Variants in LRMDA observed in about 807,000 individuals in gnomAD.
The protein encoded by LRMDA is leucine-rich melanocyte differentiation-associated protein.
LRMDA carries 18 observed loss-of-function variants against 29.8 expected under a neutral mutation model. That is an observed-to-expected ratio of 0.60 (90% CI 0.42 to 0.90). LRMDA has a LOEUF of 0.90. Ranked by LOEUF, LRMDA falls within the 40% of genes least tolerant of loss-of-function variation. The pLI is 0.00. For synonymous variants in LRMDA, 125 were observed against 109.4 expected (o/e 1.14, Z -0.89); for missense variants, 273 against 273.9 (o/e 1.00, Z 0.02).
intron 5 of LRMDA, among the ~76,000 whole-genome samples, chr10:76,233,885 T>A (rs1852103389): frequency 6.6e-6 from 1 of 152,230 alleles, no homozygotes; most frequent in South Asian, 2.1e-4. Flanking sequence ...TACTGAAGTC[T>A]TGAGCCCCTC....
At chr10:76,115,031 T>G (rs553627057) in intron 5 of LRMDA, among the ~76,000 whole-genome samples, 1 of 152,204 alleles carries the variant, frequency 6.6e-6, no homozygotes, top group Non-Finnish European at 1.5e-5. Context: ...ATACAAGCTG[T>G]TTTTGCTTTG....
chr10:76,434,837 A>G (rs1842229037), intron 6 of LRMDA, among the ~76,000 whole-genome samples: 1 of 152,224 alleles, frequency 6.6e-6, no homozygotes, highest in Non-Finnish European at 1.5e-5. Flanking sequence ...ACACGCACAC[A>G]CTGCCACCCA....
chr10:75,539,723 T>C (rs2915021), intron 2 of LRMDA, among the ~76,000 whole-genome samples: 12,792 of 152,246 alleles, frequency 0.084, 802 homozygotes, highest in East Asian at 0.31. Flanking sequence ...CTCAGAGATT[T>C]GGCTTAGTAT....
chr10:75,701,882 C>A (rs766742955), intron 2 of LRMDA, among the ~76,000 whole-genome samples: 8 of 152,208 alleles, frequency 5.3e-5, no homozygotes, highest in Non-Finnish European at 1.2e-4. Context: ...TCCCAGGCTA[C>A]AACCTCCCAA....
At position 76,190,887 on chromosome 10, in the gene LRMDA, G is replaced by A. The variant is rs561014745; in HGVS notation, c.516+132104G>A. Among the ~76,000 whole-genome samples the A allele has an allele frequency of 2.6e-5, 4 of 152,338 alleles. No individual in the cohort carries two copies. In the South Asian group the frequency reaches 8.3e-4, roughly 32 times the overall value. ...AGCACTGGGGCAGCTCTTACAGGAT[G>A]TCAGCAGACGTGGTTAATTGGTAAT... is the stretch of plus-strand genomic sequence containing the variant. On this transcript the variant is annotated intron_variant, in intron 5 of 6. Transcript: ENST00000611255.
chr10:76,299,608 T>C (rs925105874), intron 5 of LRMDA, among the ~76,000 whole-genome samples: 152 of 148,934 alleles, frequency 1.0e-3, no homozygotes, highest in African/African-American at 3.4e-3. Flanking sequence ...CCTTTCTTTT[T>C]TTTTTTTTTT....
intron 6 of LRMDA, among the ~76,000 whole-genome samples, chr10:76,455,815 G>A (rs543581623): frequency 6.5e-4 from 99 of 152,254 alleles, no homozygotes; most frequent in African/African-American, 2.3e-3. Flanking sequence ...ACTTAGTTAT[G>A]TGGGAGAGGA....
rs151082053 is a variant in LRMDA, at chr10:76,243,943, A to T, written c.517-80458A>T. 2.6e-5 allele frequency among the ~76,000 whole-genome samples: 4 copies of T among 152,296 alleles called. No individual in the cohort carries two copies. In the East Asian group the frequency reaches 7.7e-4, roughly 29 times the overall value. On this transcript the variant is annotated intron_variant, in intron 5 of 6. Transcript: ENST00000611255. The stretch of plus-strand genomic sequence containing the variant: ...CCTGGATAATCCAGGGGGGCTATAA[A>T]TCGAATGACAAGTGTCCTTGGAATA...
chr10:75,438,577 A>C, intron 2 of LRMDA, 83 bp downstream of exon 2: 1 of 1,052,908 alleles, frequency 9.5e-7, no homozygotes, highest in Middle Eastern at 2.5e-4. Flanking sequence ...ATAAAAGTCA[A>C]ATGTTCCAAC....
intron 2 of LRMDA, among the ~76,000 whole-genome samples, chr10:75,868,035 C>T (rs1169735758): frequency 6.6e-6 from 1 of 152,104 alleles, no homozygotes; most frequent in Non-Finnish European, 1.5e-5. Flanking sequence ...AAAAACTATC[C>T]TTAGCTTGCA....
At chr10:75,744,919 G>T (rs1842872246) in intron 2 of LRMDA, among the ~76,000 whole-genome samples, 1 of 152,140 alleles carries the variant, frequency 6.6e-6, no homozygotes, top group Non-Finnish European at 1.5e-5. Context: ...AGACCTTCCT[G>T]TGCCAGCGTA....
At chr10:76,005,081 A>G (rs1409333884) in intron 2 of LRMDA, among the ~76,000 whole-genome samples, 1 of 152,118 alleles carries the variant, frequency 6.6e-6, no homozygotes. Flanking sequence ...GTAAATCCTA[A>G]TTGCAGGAAG....
At chr10:75,952,513 T>G (rs1309955821) in intron 2 of LRMDA, among the ~76,000 whole-genome samples, 1 of 152,120 alleles carries the variant, frequency 6.6e-6, no homozygotes, top group Non-Finnish European at 1.5e-5. Context: ...CTCTCTCTGA[T>G]CACACATTAC....
intron 2 of LRMDA, among the ~76,000 whole-genome samples, chr10:75,809,563 G>C (rs1473713958): frequency 6.6e-6 from 1 of 152,182 alleles, no homozygotes; most frequent in African/African-American, 2.4e-5. Context: ...GAATCGCCTT[G>C]AACCCAGGAG....
chr10:75,788,257 A>G (rs980590119), intron 2 of LRMDA, among the ~76,000 whole-genome samples: 1 of 152,228 alleles, frequency 6.6e-6, no homozygotes, highest in Non-Finnish European at 1.5e-5. Context: ...TTTCTTTTAC[A>G]AAAAGGAACA....
chr10:76,352,734 T>C (rs1452241928), intron 6 of LRMDA, among the ~76,000 whole-genome samples: 1 of 152,144 alleles, frequency 6.6e-6, no homozygotes, highest in African/African-American at 2.4e-5. Context: ...TTATTATCAA[T>C]AGTGTTGTTA....
intron 6 of LRMDA, among the ~76,000 whole-genome samples, chr10:76,342,633 G>A: frequency 6.6e-6 from 1 of 151,418 alleles, no homozygotes; most frequent in Non-Finnish European, 1.5e-5. Flanking sequence ...GAAAAATAAA[G>A]AAAATGCAAA....
intron 5 of LRMDA, among the ~76,000 whole-genome samples, chr10:76,107,103 G>A (rs374741472): frequency 1.3e-5 from 2 of 152,194 alleles, no homozygotes; most frequent in African/African-American, 4.8e-5. Flanking sequence ...TAGAAGGGGT[G>A]GGGGAGGTAG....
chr10:76,463,775 A>G (rs1842535702), intron 6 of LRMDA, among the ~76,000 whole-genome samples: 1 of 152,114 alleles, frequency 6.6e-6, no homozygotes, highest in Admixed American at 6.5e-5. Flanking sequence ...TATCTTGTCT[A>G]TGAGTTTGTC....
Sources: allele counts gnomAD v4.1 joint callset (sites outside exome capture counted in the v4.1 genomes callset), GRCh38; gene constraint gnomAD v4.1.1; transcripts MANE v1.5; gene names NCBI Gene and HGNC (gene_info 2026-07-23, HGNC 2026-07-21).